Variants in ATP6V1C1 observed in about 807,000 individuals in gnomAD.
The protein encoded by ATP6V1C1 is ATPase H+ transporting V1 subunit C1, also known as V-type proton ATPase subunit C 1.
A neutral mutation model predicts 53.9 loss-of-function variants in ATP6V1C1; 45 were observed. The observed-to-expected ratio is 0.83, with a 90% CI of 0.66 to 1.07. The LOEUF is 1.07. Among genes scored for constraint, ATP6V1C1 ranks in the 50% least tolerant of loss-of-function variants. The pLI, the probability that ATP6V1C1 is intolerant of heterozygous loss-of-function variation, is 0.00. For missense variants in ATP6V1C1, 315 were observed against 440.3 expected, an observed-to-expected ratio of 0.72 and a Z score of 2.55; for synonymous variants, 153 against 155.2, an observed-to-expected ratio of 0.99 and a Z score of 0.11.
At chr8:103,054,117 A>G (rs990764121) in intron 7 of ATP6V1C1, 135 bp downstream of exon 7, 2 of 602,192 alleles carry the variant, frequency 3.3e-6, no homozygotes, top group Admixed American at 3.7e-5. Context: ...TCTGTCATCA[A>G]CATTTGCTCA....
chr8:103,037,355 A>T (rs979019110), intron 1 of ATP6V1C1, among the ~76,000 whole-genome samples: 48 of 151,392 alleles, frequency 3.2e-4, no homozygotes, highest in Middle Eastern at 3.4e-3. Flanking sequence ...AAAAATAATT[A>T]AAAAAAAAGA....
chr8:103,042,195 C>G (rs2131389606), intron 2 of ATP6V1C1, 145 bp from the exon 3 acceptor site: 1 of 768,164 alleles, frequency 1.3e-6, no homozygotes, highest in East Asian at 2.7e-5. Context: ...AAATGTCTGG[C>G]AAACATCTTT....
intron 1 of ATP6V1C1, among the ~76,000 whole-genome samples, chr8:103,034,200 A>G (rs1284758314): frequency 6.6e-6 from 1 of 152,204 alleles, no homozygotes; most frequent in East Asian, 1.9e-4. Context: ...AAAGAGAAGA[A>G]GGACATAGAC....
intron 12 of ATP6V1C1, among the ~76,000 whole-genome samples, chr8:103,067,312 T>C (rs560104042): frequency 1.8e-4 from 26 of 148,546 alleles, no homozygotes; most frequent in Admixed American, 9.5e-4. Flanking sequence ...GGCAGGAGAA[T>C]CGCTTGAACC....
chr8:103,048,357 A>T (rs1407148092), intron 3 of ATP6V1C1, among the ~76,000 whole-genome samples: 1 of 152,238 alleles, frequency 6.6e-6, no homozygotes, highest in African/African-American at 2.4e-5. Flanking sequence ...CCTTGTAAAT[A>T]GTAGATGCTC....
chr8:103,050,633 C>T (rs1817183959), intron 4 of ATP6V1C1, among the ~76,000 whole-genome samples: 1 of 152,128 alleles, frequency 6.6e-6, no homozygotes, highest in African/African-American at 2.4e-5. Flanking sequence ...AAACAATCAT[C>T]ACATGGTTTT....
intron 1 of ATP6V1C1, among the ~76,000 whole-genome samples, chr8:103,024,481 C>T (rs1816661208): frequency 6.6e-6 from 1 of 152,108 alleles, no homozygotes; most frequent in Admixed American, 6.5e-5. Flanking sequence ...GTAGTTTACC[C>T]GTCCCTAAGC....
At chr8:103,021,283 T>G (rs1279334562) in intron 1 of ATP6V1C1, 58 bp downstream of exon 1, 2 of 152,666 alleles carry the variant, frequency 1.3e-5, no homozygotes, top group East Asian at 3.9e-4. Flanking sequence ...AAGCATGAGC[T>G]CCGGTCGCTG....
intron 4 of ATP6V1C1, among the ~76,000 whole-genome samples, chr8:103,049,731 G>C (rs1480214435): frequency 6.6e-6 from 1 of 152,110 alleles, no homozygotes; most frequent in Non-Finnish European, 1.5e-5. Context: ...GAGTGCAGGA[G>C]TTCAAGACAA....
At chr8:103,036,003 A>T (rs1477544933) in intron 1 of ATP6V1C1, among the ~76,000 whole-genome samples, 1 of 152,178 alleles carries the variant, frequency 6.6e-6, no homozygotes, top group Non-Finnish European at 1.5e-5. Context: ...GGAAGCTTGG[A>T]TCCCTTTATC....
intron 8 of ATP6V1C1, among the ~76,000 whole-genome samples, chr8:103,059,243 C>G (rs1817349332): frequency 6.6e-6 from 1 of 152,164 alleles, no homozygotes; most frequent in Non-Finnish European, 1.5e-5. Flanking sequence ...GTTCTCCTGT[C>G]AGTACCACTT....
At chr8:103,043,881 T>G (rs1292483616) in intron 3 of ATP6V1C1, among the ~76,000 whole-genome samples, 2 of 152,014 alleles carry the variant, frequency 1.3e-5, no homozygotes, top group Admixed American at 1.3e-4. Flanking sequence ...TTCTGTGAGT[T>G]GTCTTCATTT....
intron 3 of ATP6V1C1, among the ~76,000 whole-genome samples, chr8:103,046,501 T>C (rs1181434769): frequency 1.3e-5 from 2 of 152,186 alleles, no homozygotes; most frequent in South Asian, 2.1e-4. Context: ...CATGAGTCAC[T>C]GTGCCTAGCC....
chr8:103,024,042 C>G (rs905257899), intron 1 of ATP6V1C1, among the ~76,000 whole-genome samples: 2 of 152,072 alleles, frequency 1.3e-5, no homozygotes, highest in African/African-American at 2.4e-5. Context: ...TACAGTTCAT[C>G]TGGAGGAAAT....
At chr8:103,049,063 C>T in intron 4 of ATP6V1C1, 108 bp downstream of exon 4, 2 of 938,644 alleles carry the variant, frequency 2.1e-6, no homozygotes, top group Non-Finnish European at 3.2e-6. Context: ...ACACTAAATA[C>T]AATAGAAAGC....
intron 4 of ATP6V1C1, among the ~76,000 whole-genome samples, chr8:103,049,754 C>T (rs2515199): frequency 0.54 from 81,906 of 151,886 alleles, 22,358 homozygotes; most frequent in Admixed American, 0.59. Context: ...CTGGACAACA[C>T]AGGGAGACCC....
intron 10 of ATP6V1C1, 59 bp from the exon 11 acceptor site, chr8:103,064,655 G>A: frequency 1.5e-6 from 2 of 1,363,942 alleles, no homozygotes; most frequent in Non-Finnish European, 2.0e-6. Flanking sequence ...AAAAATATTT[G>A]GTCTATCTAA....
At chr8:103,056,519 A>G (rs529315878) in intron 8 of ATP6V1C1, among the ~76,000 whole-genome samples, 1 of 152,228 alleles carries the variant, frequency 6.6e-6, no homozygotes, top group Non-Finnish European at 1.5e-5. Flanking sequence ...TCTGTGAAGA[A>G]GTATGGACAG....
At chr8:103,049,697 G>A (rs1269537988) in intron 4 of ATP6V1C1, among the ~76,000 whole-genome samples, 1 of 152,204 alleles carries the variant, frequency 6.6e-6, no homozygotes, top group Non-Finnish European at 1.5e-5. Flanking sequence ...AGCACATTGG[G>A]AGGCTGTGGC....
Sources: gnomAD v4.1 joint callset for allele counts (sites outside exome capture counted in the v4.1 genomes callset) on GRCh38, gnomAD v4.1.1 for gene constraint, MANE v1.5 for transcripts, NCBI Gene and HGNC (gene_info 2026-07-23, HGNC 2026-07-21) for gene names.